The following MPI variants were observed in gnomAD, a reference collection of about 807,000 sequenced individuals.
The protein encoded by MPI is mannose-6-phosphate isomerase.
MPI carries 33 observed loss-of-function variants against 40.1 expected under a neutral mutation model. That is an observed-to-expected ratio of 0.82 (90% CI 0.62 to 1.10). The LOEUF is 1.10. Ranked by LOEUF, MPI falls within the 50% of genes least tolerant of loss-of-function variation. The pLI is 0.00. For missense variants in MPI, 514 were observed against 524.1 expected (o/e 0.98, Z 0.19); for synonymous variants, 187 against 207.4 (o/e 0.90, Z 0.85).
intron 5 of MPI, chr15:74,893,765 T>G (rs2064761871): frequency 8.5e-6 from 3 of 354,470 alleles, no homozygotes; most frequent in Non-Finnish European, 1.6e-5. Context: ...AACCTTGTGC[T>G]AAGAAGAGTT....
At chr15:74,894,608 A>G (rs1222239365) in intron 5 of MPI, among the ~76,000 whole-genome samples, 2 of 135,166 alleles carry the variant, frequency 1.5e-5, no homozygotes, top group African/African-American at 5.5e-5. Context: ...GGGGCAATAG[A>G]GTGAGACTCT....
At position 74,898,132 on chromosome 15, in the gene MPI, C is replaced by T; in HGVS notation, c.*402C>T. On this transcript the variant is annotated 3_prime_UTR_variant, in exon 8 of 8. Transcript: ENST00000352410. The stretch of plus-strand genomic sequence containing the variant: ...TTCTAGCGATGGGACTGCCCATTTC[C>T]TCAGCTGCAGAGGAGGAAAGGGAAA... 1 of 353,802 alleles carries T rather than the reference C, an allele frequency of 2.8e-6. No individual in the cohort carries two copies. Among genetic ancestry groups the T allele is most frequent in the Non-Finnish European group, 5.6e-6 (1 of 179,826 alleles). The allele number at this position is 353,802 out of a possible 1,614,324, so 21.9% of individuals were successfully genotyped here. A position where few individuals can be genotyped will look rare whatever the true frequency, so the allele number is the denominator to read the frequency against.
chr15:74,890,913 A>G lies in MPI; in HGVS notation c.144+259A>G, dbSNP rs569888234. On this transcript the variant is annotated intron_variant, in intron 2 of 7. Coordinates refer to ENST00000352410, the MANE Select transcript of MPI (RefSeq NM_002435.3). ...TTAATTCAGCCCTCTTTGACAATTA[A>G]GTTTTTTTACTTTGACTATTTTTTT... The G allele has an allele frequency of 2.0e-5, 13 of 639,498 alleles. 1 individual carries two copies. Among genetic ancestry groups the G allele is most frequent in the African/African-American group, 5.4e-5 (3 of 55,134 alleles). The allele number at this position is 639,498 out of a possible 1,614,324, so 39.6% of individuals were successfully genotyped here. A position where few individuals can be genotyped will look rare whatever the true frequency, so the allele number is the denominator to read the frequency against.
In MPI at chr15:74,892,809, T is replaced by C; in HGVS notation, c.487+7T>C. On this transcript the variant is annotated splice_region_variant and intron_variant, in intron 4 of 7. Coordinates refer to ENST00000352410, the MANE Select transcript of MPI (RefSeq NM_002435.3). Reference sequence around the variant, plus strand: ...ATTGTAACCTTTCTAAAGAGTAAGTTGGGCAGAATGCTGAAGGCATGCGTA... The same window carrying C: ...ATTGTAACCTTTCTAAAGAGTAAGTCGGGCAGAATGCTGAAGGCATGCGTA... 3 of 1,614,228 alleles carry C rather than the reference T, an allele frequency of 1.9e-6. No homozygotes were observed. Among genetic ancestry groups the C allele is most frequent in the South Asian group, 1.1e-5 (1 of 91,086 alleles).
At position 74,890,543 on chromosome 15, in the gene MPI, T is replaced by C; in HGVS notation, c.33T>C (p.Cys11=). 1 of 1,614,144 alleles carries C rather than the reference T, an allele frequency of 6.2e-7. No individual in the cohort carries two copies. Among genetic ancestry groups the C allele is most frequent in the Non-Finnish European group, 8.5e-7 (1 of 1,180,026 alleles). The change falls in exon 2 of 8, where the codon TGT becomes TGC. Residue 11 remains cysteine, a synonymous_variant. Transcript: ENST00000352410. ...TGCCCCTAGTATTCCCACTTTCCTG[T>C]GCGGTGCAGCAGTATGCCTGGGGGA... The part of the protein sequence containing the change: MAAPRVFPLS[C]AVQQYAWGKM...
intron 5 of MPI, among the ~76,000 whole-genome samples, chr15:74,894,252 T>G (rs2064783544): frequency 6.6e-6 from 1 of 151,756 alleles, no homozygotes; most frequent in Admixed American, 6.6e-5. Flanking sequence ...TCTGGTTAAG[T>G]TTTTATATTT....
chr15:74,898,219 T>C lies in MPI; in HGVS notation c.*489T>C, dbSNP rs2064852989. ...TTCTGTCAAAGCAATTAAAGATCAC[T>C]TGTGTTGAGGCTGTGGGGTAATGAG... is the stretch of plus-strand genomic sequence containing the variant. On this transcript the variant is annotated 3_prime_UTR_variant, in exon 8 of 8. Coordinates refer to ENST00000352410, the MANE Select transcript of MPI (RefSeq NM_002435.3). 3.8e-6 allele frequency: 1 copy of C among 261,242 alleles called. No homozygotes were observed. The highest frequency in any genetic ancestry group is 2.2e-5 in the African/African-American group (1 of 45,930). 16.2% of individuals were successfully genotyped at this position (261,242 alleles called of 1,614,324 possible).
rs372226364 is a variant in MPI at position 74,890,632 on chromosome 15, C to T, written c.122C>T (p.Ala41Val). ...AGCAGTGATCCACTGGCCCAGATCG[C>T]AGAGGACAAGCCTTATGCAGAGGTG... ...LASSDPLAQI[A>V]EDKPYAELWM... Residue 41 changes from alanine to valine, a missense_variant, in exon 2 of 8, where the codon GCA becomes GTA. By Grantham distance (64) the Ala-to-Val change is moderately conservative (BLOSUM62 0). Transcript: ENST00000352410. The T allele has an allele frequency of 6.2e-7, 1 of 1,613,938 alleles. No individual in the cohort carries two copies. The highest frequency in any genetic ancestry group is 1.3e-5 in the African/African-American group (1 of 74,920).
At chr15:74,896,039 G>A (rs752072143) in intron 5 of MPI, 113 bp from the exon 6 acceptor site, 128 of 1,317,258 alleles carry the variant, frequency 9.7e-5, no homozygotes, top group Non-Finnish European at 1.3e-4. Context: ...GGCCACTTTG[G>A]CTTCTGGATT....
chr15:74,897,265 C>A lies in MPI; in HGVS notation c.1053+46C>A, dbSNP rs1332393083. On this transcript the variant is annotated intron_variant, in intron 7 of 7. Transcript: ENST00000352410. Reference sequence around the variant, plus strand: ...GGTGTCCTTCGTGTGCCATGAAAATCTCTGGCAAGGGTCACGATGTGGAGG... The same window carrying A: ...GGTGTCCTTCGTGTGCCATGAAAATATCTGGCAAGGGTCACGATGTGGAGG... The A allele has an allele frequency of 1.9e-6, 3 of 1,598,500 alleles. No individual in the cohort carries two copies. The South Asian group carries it at 3.3e-5, about 18-fold the overall frequency.
chr15:74,893,647 T>A (rs1258971505), intron 5 of MPI: 1 of 591,706 alleles, frequency 1.7e-6, no homozygotes, highest in Non-Finnish European at 3.0e-6. Context: ...GACTTGTATC[T>A]CGGGGCTAAA....
In MPI at chr15:74,891,142, G is replaced by T. The variant is rs2064719727; in HGVS notation, c.145-237G>T. On this transcript the variant is annotated intron_variant, in intron 2 of 7. Transcript: ENST00000352410. The stretch of plus-strand genomic sequence containing the variant: ...GACAGACAAAGAAGATACATCTAAA[G>T]AAGGGAAATAACTAGTCCAAGTCTT... 8.0e-6 allele frequency: 5 copies of T among 621,132 alleles called. No individual in the cohort carries two copies. The South Asian group carries it at 8.4e-5, about 10-fold the overall frequency. 38.5% of individuals were successfully genotyped at this position (621,132 alleles called of 1,614,324 possible).
rs2064866231 is a variant in MPI, at chr15:74,898,977, C to G, written c.*1247C>G. ...GGCAAAGTTGAAGAGTTGCACTAGACTGTACGGCCTGCAAAACTGAAACCA... is the reference window on the plus strand; with the variant it reads ...GGCAAAGTTGAAGAGTTGCACTAGAGTGTACGGCCTGCAAAACTGAAACCA... On this transcript the variant is annotated 3_prime_UTR_variant, in exon 8 of 8. Coordinates refer to ENST00000352410, the MANE Select transcript of MPI (RefSeq NM_002435.3). 1.3e-5 allele frequency: 2 copies of G among 152,320 alleles called. No individual in the cohort carries two copies. Among genetic ancestry groups the G allele is most frequent in the South Asian group, 2.1e-4 (1 of 4,836 alleles). 9.4% of individuals were successfully genotyped at this position (152,320 alleles called of 1,614,324 possible).
At chr15:74,894,521 C>A (rs2064787780) in intron 5 of MPI, among the ~76,000 whole-genome samples, 1 of 151,670 alleles carries the variant, frequency 6.6e-6, no homozygotes, top group African/African-American at 2.4e-5. Context: ...GGAACCCCAT[C>A]TCTACTAAAG....
At chr15:74,896,881 C>T in intron 6 of MPI, 130 bp from the exon 7 acceptor site, 1 of 841,894 alleles carries the variant, frequency 1.2e-6, no homozygotes, top group Non-Finnish European at 2.0e-6. Context: ...CCCCATTCTC[C>T]CAGAGAATAC....
chr15:74,895,213 G>T (rs1019798658), intron 5 of MPI, among the ~76,000 whole-genome samples: 1 of 147,448 alleles, frequency 6.8e-6, no homozygotes, highest in Non-Finnish European at 1.5e-5. Context: ...CTGACCTCGT[G>T]ATCCGCCTGC....
chr15:74,900,529 C>A lies in MPI; in HGVS notation c.*2799C>A, dbSNP rs1015514751. On this transcript the variant is annotated 3_prime_UTR_variant, in exon 8 of 8. Transcript: ENST00000352410. ...GCCACCTCCCAGCACACACTGGGTC[C>A]CTCTACCTGTGTTGCTGTCTTTCTT... 6.6e-6 allele frequency: 1 copy of A among 152,272 alleles called. No homozygotes were observed. Among genetic ancestry groups the A allele is most frequent in the Non-Finnish European group, 1.5e-5 (1 of 68,092 alleles). 9.4% of individuals were successfully genotyped at this position (152,272 alleles called of 1,614,324 possible). A position where few individuals can be genotyped will look rare whatever the true frequency, so the allele number is the denominator to read the frequency against.
At chr15:74,894,039 AGTGTGTGT>A (rs1163375284) in intron 5 of MPI, among the ~76,000 whole-genome samples, 1,422 of 56,826 alleles carry the variant, frequency 0.025, 36 homozygotes, top group Admixed American at 0.034. Context: ...TTTTCTGTTC[AGTGTGTGT>A]GTGTGTGTGT....
chr15:74,895,041 C>T lies in MPI; in HGVS notation c.671-1111C>T, dbSNP rs1456514820. On this transcript the variant is annotated intron_variant, in intron 5 of 7. Coordinates refer to ENST00000352410, the MANE Select transcript of MPI (RefSeq NM_002435.3). ...GAGTGCAGTGGTGCAATCTCGATCACTGCAACCTCCGCCTCCCGGGTTCAA... is the reference window on the plus strand; with the variant it reads ...GAGTGCAGTGGTGCAATCTCGATCATTGCAACCTCCGCCTCCCGGGTTCAA... Among the ~76,000 whole-genome samples, 3 of 150,360 alleles carry T rather than the reference C, an allele frequency of 2.0e-5. No individual in the cohort carries two copies. The East Asian group carries it at 6.2e-4, about 31-fold the overall frequency.
Sources: allele counts gnomAD v4.1 joint callset (sites outside exome capture counted in the v4.1 genomes callset), GRCh38; gene constraint gnomAD v4.1.1; transcripts MANE v1.5; gene names NCBI Gene and HGNC (gene_info 2026-07-23, HGNC 2026-07-21).